DGKD: variants seen among roughly 807,000 people sequenced by gnomAD.
DGKD encodes the protein diacylglycerol kinase delta, also known as DAG kinase delta.
DGKD carries 68 observed loss-of-function variants against 154.4 expected under a neutral mutation model. The ratio of observed to expected loss-of-function variants is 0.44; its 90% CI spans 0.36 to 0.54. The LOEUF (loss-of-function observed/expected upper bound fraction) is 0.54, where lower values mean the gene tolerates loss of function less well. Among genes scored for constraint, DGKD ranks in the 20% least tolerant of loss-of-function variants. The pLI is 0.00. For missense variants in DGKD, 1,343 were observed against 1,593.6 expected (o/e 0.84, Z 2.68); for synonymous variants, 693 against 638.0 (o/e 1.09, Z -1.30).
rs1349911084 is a variant in DGKD at position 233,470,900 on chromosome 2, C to CTTCTCTTTG, written c.*1440_*1441insTTCTCTTTG. ...GGACAGTGTTGGGAGTATCTGCCGG[C>CTTCTCTTTG]GCTGTCCAGGTCCTTTAGTCAGCGT... On this transcript the variant is annotated 3_prime_UTR_variant, in exon 30 of 30. Transcript: ENST00000264057. 1 of 152,278 alleles carries CTTCTCTTTG rather than the reference C, an allele frequency of 6.6e-6. No individual in the cohort carries two copies. The highest frequency in any genetic ancestry group is 2.4e-5 in the African/African-American group (1 of 41,386). 9.4% of individuals were successfully genotyped at this position (152,278 alleles called of 1,614,324 possible). A position where few individuals can be genotyped will look rare whatever the true frequency, so the allele number is the denominator to read the frequency against.
chr2:233,447,188 C>T (rs1316742118), intron 12 of DGKD, among the ~76,000 whole-genome samples: 1 of 76,126 alleles, frequency 1.3e-5, no homozygotes, highest in East Asian at 2.6e-4. Context: ...GCGGCTCTCC[C>T]CTAGCCCCCC....
In DGKD at chr2:233,449,283, C is replaced by G; in HGVS notation, c.1795C>G (p.Arg599Gly). ...CTTGGTGGCATCAGCTTGCCCGGCC[C>G]GGCCGCAGATATTCCGGCCTCGAGA... Reference protein sequence around the residue: ...DRLVASACPARPQIFRPREQL... With the variant: ...DRLVASACPAGPQIFRPREQL... The change falls in exon 15 of 30, where the codon CGG becomes GGG. Residue 599 changes from arginine to glycine, a missense_variant. Coordinates refer to ENST00000264057, the MANE Select transcript of DGKD (RefSeq NM_152879.3). This position sits in a 1 kb window ranked among gnomAD's most constrained non-coding sequence, Gnocchi z 5.3. 2 of 1,613,364 alleles carry G rather than the reference C, an allele frequency of 1.2e-6. No homozygotes were observed. Among genetic ancestry groups the G allele is most frequent in the Non-Finnish European group, 1.7e-6 (2 of 1,179,624 alleles).
Position 233,440,257 on chromosome 2 carries a change from C to G in DGKD, c.1086-1630C>G, listed in dbSNP as rs533933389. Among the ~76,000 whole-genome samples the G allele has an allele frequency of 1.3e-5, 2 of 152,190 alleles. No homozygotes were observed. Among genetic ancestry groups the G allele is most frequent in the Non-Finnish European group, 2.9e-5 (2 of 68,036 alleles). On this transcript the variant is annotated intron_variant, in intron 9 of 29. Transcript: ENST00000264057. The surrounding 1 kb of genome is among the most constrained non-coding windows in gnomAD (Gnocchi z 4.9). ...CCAGTTCCTGGCCTTGACCTGTCAC[C>G]TCTTCTCCCGAGAGCAGGGGGCCTT...
chr2:233,429,694 G>A (rs1395842533), intron 3 of DGKD, among the ~76,000 whole-genome samples: 1 of 152,242 alleles, frequency 6.6e-6, no homozygotes, highest in Admixed American at 6.5e-5. Flanking sequence ...TGGAGGGAGA[G>A]GGGCTGTTTG....
intron 1 of DGKD, among the ~76,000 whole-genome samples, chr2:233,386,459 G>C (rs2125432404): frequency 6.6e-6 from 1 of 150,960 alleles, no homozygotes; most frequent in Non-Finnish European, 1.5e-5. Context: ...AATCGGGGTG[G>C]GACTTTCTGT....
chr2:233,388,987 T>G (rs1234646720), intron 2 of DGKD: 2 of 152,338 alleles, frequency 1.3e-5, no homozygotes, highest in Admixed American at 6.5e-5. Context: ...CCTCAAATGA[T>G]CTGCCTGCCT....
At chr2:233,362,111 T>C (rs1701813331) in intron 1 of DGKD, among the ~76,000 whole-genome samples, 1 of 151,976 alleles carries the variant, frequency 6.6e-6, no homozygotes. Context: ...AAAAGAAAAT[T>C]ATAAAATTGA....
At chr2:233,460,417 C>T (rs1013342840) in intron 24 of DGKD, 72 bp downstream of exon 24, 70 of 1,563,114 alleles carry the variant, frequency 4.5e-5, no homozygotes, top group Non-Finnish European at 5.7e-5. Flanking sequence ...TTCCAAGGCC[C>T]CTGGGGCGTG....
rs554586597 is a variant in DGKD at position 233,459,002 on chromosome 2, A to G, written c.2694+605A>G. 6.6e-6 allele frequency among the ~76,000 whole-genome samples: 1 copy of G among 152,330 alleles called. No homozygotes were observed. The highest frequency in any genetic ancestry group is 2.1e-4 in the South Asian group (1 of 4,828). ...CAGGCTGGACTCTGCCCGTGTCTGC[A>G]GCTGTCAAAGCCGCAGTGGGGACGG... On this transcript the variant is annotated intron_variant, in intron 22 of 29. Coordinates refer to ENST00000264057, the MANE Select transcript of DGKD (RefSeq NM_152879.3). This position sits in a 1 kb window ranked among gnomAD's most constrained non-coding sequence, Gnocchi z 5.7.
intron 1 of DGKD, among the ~76,000 whole-genome samples, chr2:233,370,567 C>CTTTTTTTTTT (rs201017453): frequency 8.7e-6 from 1 of 114,330 alleles, no homozygotes; most frequent in Non-Finnish European, 1.8e-5. Flanking sequence ...TTCAGAACTT[C>CTTTTTTTTTT]TTCTTTTTTT....
intron 3 of DGKD, among the ~76,000 whole-genome samples, chr2:233,424,744 G>A (rs1016079058): frequency 6.6e-6 from 1 of 152,338 alleles, no homozygotes; most frequent in South Asian, 2.1e-4. Flanking sequence ...CCCCTCAGCC[G>A]GGTTCGTCAG....
rs1228624436 is a variant in DGKD at position 233,441,785 on chromosome 2, A to T, written c.1086-102A>T. On this transcript the variant is annotated intron_variant, in intron 9 of 29. Transcript: ENST00000264057. The surrounding 1 kb of genome is among the most constrained non-coding windows in gnomAD (Gnocchi z 5.6). Reference sequence around the variant, plus strand: ...GCGTGCTCTGCCTCTGGTGCAGGTCAGCCATGAGGAGCACAGGTGGCCCCT... The same window carrying T: ...GCGTGCTCTGCCTCTGGTGCAGGTCTGCCATGAGGAGCACAGGTGGCCCCT... 6.7e-6 allele frequency: 7 copies of T among 1,051,062 alleles called. No homozygotes were observed. The highest frequency in any genetic ancestry group is 1.0e-5 in the Non-Finnish European group (7 of 702,832). The allele number at this position is 1,051,062 out of a possible 1,614,324, so 65.1% of individuals were successfully genotyped here.
At chr2:233,433,336 G>T (rs1226977998) in intron 3 of DGKD, among the ~76,000 whole-genome samples, 2 of 151,758 alleles carry the variant, frequency 1.3e-5, no homozygotes, top group African/African-American at 4.8e-5. Context: ...AGTAAGCCAA[G>T]CACAGAAAGA....
intron 1 of DGKD, among the ~76,000 whole-genome samples, chr2:233,358,724 G>A (rs981077803): frequency 2.6e-5 from 4 of 152,092 alleles, no homozygotes; most frequent in Non-Finnish European, 5.9e-5. Flanking sequence ...GGCATGTATC[G>A]GTACTTCATT....
At chr2:233,462,321 T>G in intron 24 of DGKD, 27 bp from the exon 25 acceptor site, 3 of 1,572,378 alleles carry the variant, frequency 1.9e-6, no homozygotes, top group Non-Finnish European at 2.6e-6. Flanking sequence ...TGGCCTGACA[T>G]CTGCCCGTGC....
chr2:233,465,154 G>A (rs977849564), intron 27 of DGKD, among the ~76,000 whole-genome samples: 1 of 152,182 alleles, frequency 6.6e-6, no homozygotes, highest in African/African-American at 2.4e-5. Context: ...CTCAGTGAGG[G>A]CACTTGGGTA....
chr2:233,429,923 C>T (rs1430862477), intron 3 of DGKD, among the ~76,000 whole-genome samples: 2 of 152,234 alleles, frequency 1.3e-5, no homozygotes, highest in Non-Finnish European at 2.9e-5. Flanking sequence ...TGCGGTGAAA[C>T]TTAGTCACTG....
At chr2:233,402,701 A>C (rs1461313029) in intron 3 of DGKD, among the ~76,000 whole-genome samples, 1 of 152,340 alleles carries the variant, frequency 6.6e-6, no homozygotes, top group East Asian at 1.9e-4. Context: ...GTGCGCTTTT[A>C]GCGAGTTTGC....
intron 3 of DGKD, among the ~76,000 whole-genome samples, chr2:233,420,596 G>A (rs753916810): frequency 2.6e-5 from 4 of 152,176 alleles, no homozygotes; most frequent in African/African-American, 7.2e-5. Context: ...CTGAAATGTC[G>A]AATAAATGTT....
Sources: gnomAD v4.1 joint callset for allele counts (sites outside exome capture counted in the v4.1 genomes callset) on GRCh38, gnomAD v4.1.1 for gene constraint, Gnocchi (gnomAD v3.1) non-coding constraint, MANE v1.5 for transcripts, NCBI Gene and HGNC (gene_info 2026-07-23, HGNC 2026-07-21) for gene names.